The following OPCML variants were observed in gnomAD, a reference collection of about 807,000 sequenced individuals.
OPCML encodes the protein opioid-binding protein/cell adhesion molecule.
Under a neutral mutation model 37.8 loss-of-function variants are expected in OPCML, and 13 were observed. That is an observed-to-expected ratio of 0.34 (90% confidence interval 0.22 to 0.55). OPCML has a LOEUF of 0.55. Ranked by LOEUF, OPCML falls within the 20% of genes least tolerant of loss-of-function variation. The pLI, the probability that OPCML is intolerant of heterozygous loss-of-function variation, is 0.91. For missense variants in OPCML, 341 were observed against 435.6 expected (o/e 0.78, Z 1.93); for synonymous variants, 176 against 168.8 (o/e 1.04, Z -0.33).
At chr11:132,500,855 T>G (rs1312817461) in intron 4 of OPCML, among the ~76,000 whole-genome samples, 1 of 152,232 alleles carries the variant, frequency 6.6e-6, no homozygotes, top group African/African-American at 2.4e-5. Context: ...GTTTCCAGCT[T>G]CATCTATGTC....
At chr11:132,453,370 T>G (rs2096073417) in intron 4 of OPCML, among the ~76,000 whole-genome samples, 1 of 152,182 alleles carries the variant, frequency 6.6e-6, no homozygotes, top group Admixed American at 6.5e-5. Flanking sequence ...TAAATGCGTA[T>G]TGAATCGCTG....
chr11:133,161,172 G>A lies in OPCML; in HGVS notation c.62-218162C>T, dbSNP rs554225217. 4.6e-5 allele frequency among the ~76,000 whole-genome samples: 7 copies of A among 152,308 alleles called. No individual in the cohort carries two copies. The East Asian group carries it at 1.4e-3, about 29-fold the overall frequency. On this transcript the variant is annotated intron_variant, in intron 1 of 7. Coordinates refer to ENST00000524381, the MANE Select transcript of OPCML (RefSeq NM_001012393.5). ...TTTTATTGTGGTTTCTGTGGCTTTGGGACTGAGGGGAAGTTGGAGGCAGCC... is the reference window on the plus strand; with the variant it reads ...TTTTATTGTGGTTTCTGTGGCTTTGAGACTGAGGGGAAGTTGGAGGCAGCC...
At chr11:132,703,811 G>C (rs61094308) in intron 2 of OPCML, among the ~76,000 whole-genome samples, 1 of 152,190 alleles carries the variant, frequency 6.6e-6, no homozygotes, top group African/African-American at 2.4e-5. Flanking sequence ...TGGGTCTTCA[G>C]GGGCTGTCCT....
intron 1 of OPCML, among the ~76,000 whole-genome samples, chr11:133,130,939 C>T (rs1949594265): frequency 6.6e-6 from 1 of 152,064 alleles, no homozygotes; most frequent in African/African-American, 2.4e-5. Flanking sequence ...ATATTAATGT[C>T]ACTCCCTCAC....
intron 4 of OPCML, among the ~76,000 whole-genome samples, chr11:132,446,687 C>A (rs1206339116): frequency 6.6e-6 from 1 of 152,078 alleles, no homozygotes; most frequent in African/African-American, 2.4e-5. Flanking sequence ...TCTAAACCAA[C>A]AGGGTTACTT....
intron 4 of OPCML, among the ~76,000 whole-genome samples, chr11:132,472,559 C>T (rs1335559478): frequency 1.3e-5 from 2 of 152,224 alleles, no homozygotes; most frequent in Non-Finnish European, 1.5e-5. Flanking sequence ...ACATTCTCTT[C>T]TGTAATTCTG....
chr11:133,012,269 C>T (rs7926178), intron 1 of OPCML, among the ~76,000 whole-genome samples: 103 of 152,214 alleles, frequency 6.8e-4, no homozygotes, highest in Admixed American at 2.1e-3. Flanking sequence ...GTGTCAAGGT[C>T]GGGAAAACCT....
At chr11:133,358,774 G>T (rs1944348038) in intron 1 of OPCML, among the ~76,000 whole-genome samples, 1 of 152,114 alleles carries the variant, frequency 6.6e-6, no homozygotes, top group African/African-American at 2.4e-5. Flanking sequence ...TGCCTGACTC[G>T]CTGGCATTTG....
chr11:133,059,504 A>G (rs1430432682), intron 1 of OPCML, among the ~76,000 whole-genome samples: 1 of 152,222 alleles, frequency 6.6e-6, no homozygotes, highest in African/African-American at 2.4e-5. Flanking sequence ...TTGCATGAGT[A>G]GTCACTGCAC....
intron 1 of OPCML, among the ~76,000 whole-genome samples, chr11:133,101,859 C>T (rs748136619): frequency 1.7e-4 from 26 of 152,002 alleles, no homozygotes; most frequent in Non-Finnish European, 3.4e-4. Context: ...GTGGTACTTC[C>T]AGGCACTGGA....
At chr11:132,791,064 G>A (rs1259952662) in intron 2 of OPCML, among the ~76,000 whole-genome samples, 2 of 152,174 alleles carry the variant, frequency 1.3e-5, no homozygotes, top group Admixed American at 1.3e-4. Flanking sequence ...TCGCTGGACT[G>A]GCTGTGGGGT....
chr11:132,527,733 C>A (rs537302339), intron 4 of OPCML, among the ~76,000 whole-genome samples: 2 of 152,200 alleles, frequency 1.3e-5, no homozygotes, highest in African/African-American at 2.4e-5. Context: ...AAAATGATAC[C>A]TTGAATTCCT....
At position 133,208,563 on chromosome 11, in the gene OPCML, T is replaced by C. The variant is rs1166479841; in HGVS notation, c.62-265553A>G. On this transcript the variant is annotated intron_variant, in intron 1 of 7. Coordinates refer to ENST00000524381, the MANE Select transcript of OPCML (RefSeq NM_001012393.5). The surrounding 1 kb of genome is among the most constrained non-coding windows in gnomAD (Gnocchi z 8.9). The stretch of plus-strand genomic sequence containing the variant: ...AATTCCAATGCTGGCTATCCACATA[T>C]GTGTATTAGTGAAGTTGAAGCAGGA... Among the ~76,000 whole-genome samples the C allele has an allele frequency of 3.3e-5, 5 of 152,206 alleles. No homozygotes were observed. The East Asian group carries it at 9.6e-4, about 29-fold the overall frequency.
intron 1 of OPCML, among the ~76,000 whole-genome samples, chr11:133,074,246 T>C (rs1948588307): frequency 6.6e-6 from 1 of 152,248 alleles, no homozygotes; most frequent in Non-Finnish European, 1.5e-5. Context: ...AGGGCTACTT[T>C]TCTTCCCTGA....
At chr11:132,795,132 A>T (rs1938228364) in intron 2 of OPCML, among the ~76,000 whole-genome samples, 1 of 152,130 alleles carries the variant, frequency 6.6e-6, no homozygotes, top group African/African-American at 2.4e-5. Flanking sequence ...ACACACACAC[A>T]TTCAAAGATC....
intron 2 of OPCML, among the ~76,000 whole-genome samples, chr11:132,904,899 T>A (rs533521220): frequency 6.6e-6 from 1 of 152,348 alleles, no homozygotes; most frequent in African/African-American, 2.4e-5. Context: ...AAACTAAGAC[T>A]GAGCTTGCCT....
chr11:132,730,699 A>T (rs1945047414), intron 2 of OPCML, among the ~76,000 whole-genome samples: 1 of 152,166 alleles, frequency 6.6e-6, no homozygotes, highest in East Asian at 1.9e-4. Context: ...TCAGCTGGAA[A>T]TGTGAGTGTC....
chr11:132,432,300 A>T (rs1159346421), intron 7 of OPCML, among the ~76,000 whole-genome samples: 1 of 152,198 alleles, frequency 6.6e-6, no homozygotes, highest in Non-Finnish European at 1.5e-5. Context: ...ATTAGGCATA[A>T]TTATGGGGGC....
At chr11:132,602,963 T>C (rs1938024749) in intron 3 of OPCML, among the ~76,000 whole-genome samples, 1 of 152,242 alleles carries the variant, frequency 6.6e-6, no homozygotes, top group Non-Finnish European at 1.5e-5. Context: ...AATCCAGTTC[T>C]CTTTTTAATG....
Sources: gnomAD v4.1 joint callset for allele counts (sites outside exome capture counted in the v4.1 genomes callset) on GRCh38, gnomAD v4.1.1 for gene constraint, Gnocchi (gnomAD v3.1) non-coding constraint, MANE v1.5 for transcripts, NCBI Gene and HGNC (gene_info 2026-07-23, HGNC 2026-07-21) for gene names.